The following PIP4K2A variants were observed in gnomAD, a reference collection of about 807,000 sequenced individuals.
PIP4K2A encodes the protein phosphatidylinositol-5-phosphate 4-kinase type 2 alpha, also known as phosphatidylinositol 5-phosphate 4-kinase type-2 alpha.
A neutral mutation model predicts 42.9 loss-of-function variants in PIP4K2A; 14 were observed. The observed-to-expected ratio is 0.33, with a 90% CI of 0.22 to 0.51. The LOEUF is 0.51. Among genes scored for constraint, PIP4K2A ranks in the 20% least tolerant of loss-of-function variants. The pLI is 0.97. For missense variants in PIP4K2A, 434 were observed against 519.8 expected (o/e 0.83, Z 1.61); for synonymous variants, 192 against 192.2 (o/e 1.00, Z 0.01).
chr10:22,704,651 GAAAAAAAAA>G (rs113174364), intron 1 of PIP4K2A, among the ~76,000 whole-genome samples: 1 of 64,198 alleles, frequency 1.6e-5, no homozygotes, highest in African/African-American at 5.6e-5. Context: ...GACCTCATCT[GAAAAAAAAA>G]AAAAAAAAAA....
chr10:22,550,633 C>A, intron 7 of PIP4K2A, 26 bp downstream of exon 7: 1 of 1,156,640 alleles, frequency 8.6e-7, no homozygotes, highest in South Asian at 1.2e-5. Context: ...TACAATGAGT[C>A]TGGCCTCTCC....
chr10:22,540,020 T>A lies in PIP4K2A; in HGVS notation c.1091A>T (p.Tyr364Phe). 6.2e-7 allele frequency: 1 copy of A among 1,613,106 alleles called. No individual in the cohort carries two copies. ...ATGGGCAGCTTTCTTTTTTGCATCA[T>A]AATGAGTAAGGATGTCAATAATTGC... Reference protein sequence around the residue: ...FMAIIDILTHYDAKKKAAHAA... With the variant: ...FMAIIDILTHFDAKKKAAHAA... The change falls in exon 9 of 10, where the codon TAT becomes TTT. Residue 364 changes from tyrosine to phenylalanine, a missense_variant. By Grantham distance (22) the Tyr-to-Phe change is conservative. Around this residue, in one of 2 missense-constraint regions of PIP4K2A, gnomAD observed 39 missense variants for 75.3 expected, o/e 0.52. Transcript: ENST00000376573.
At chr10:22,688,200 A>C (rs914375009) in intron 1 of PIP4K2A, among the ~76,000 whole-genome samples, 13 of 152,178 alleles carry the variant, frequency 8.5e-5, no homozygotes, top group Admixed American at 8.5e-4. Flanking sequence ...TTAAAGAAGA[A>C]AATTTTCTGA....
At chr10:22,634,609 G>A (rs1838621938) in intron 1 of PIP4K2A, among the ~76,000 whole-genome samples, 1 of 152,152 alleles carries the variant, frequency 6.6e-6, no homozygotes, top group African/African-American at 2.4e-5. Flanking sequence ...ATTAGAAATG[G>A]AGACTGCCTT....
intron 6 of PIP4K2A, among the ~76,000 whole-genome samples, chr10:22,559,363 G>A (rs2130775668): frequency 6.6e-6 from 1 of 152,262 alleles, no homozygotes; most frequent in Middle Eastern, 3.4e-3. Flanking sequence ...ACGTGTGCTT[G>A]GGATACTCTG....
In PIP4K2A at chr10:22,636,802, G is replaced by C. The variant is rs748380990; in HGVS notation, c.145-27085C>G. Among the ~76,000 whole-genome samples, 261 of 152,176 alleles carry C rather than the reference G, an allele frequency of 1.7e-3. 9 individuals are homozygous for C. The highest frequency in any genetic ancestry group is 5.4e-4 in the Non-Finnish European group (37 of 68,034). On this transcript the variant is annotated intron_variant, in intron 1 of 9. Transcript: ENST00000376573. ...TGCAGCCCCTTCCCACAGTGACTCT[G>C]GTACTGGCCGCGAGGGTGGCTTTGG...
intron 1 of PIP4K2A, among the ~76,000 whole-genome samples, chr10:22,670,978 T>C (rs560046015): frequency 3.9e-5 from 6 of 152,322 alleles, no homozygotes; most frequent in Admixed American, 2.6e-4. Flanking sequence ...AGTCATCATA[T>C]TGGCATCATC....
intron 1 of PIP4K2A, among the ~76,000 whole-genome samples, chr10:22,681,284 G>A (rs187850629): frequency 2.5e-3 from 378 of 152,266 alleles, no homozygotes; most frequent in Non-Finnish European, 4.4e-3. Context: ...TCTAGATCCA[G>A]CTGAAGAGCC....
At chr10:22,604,730 C>T (rs868191775) in intron 3 of PIP4K2A, among the ~76,000 whole-genome samples, 3 of 152,108 alleles carry the variant, frequency 2.0e-5, no homozygotes, top group South Asian at 2.1e-4. Flanking sequence ...CAGAGGCGGC[C>T]GGTGGGAGAC....
intron 1 of PIP4K2A, among the ~76,000 whole-genome samples, chr10:22,678,129 T>C (rs1355323781): frequency 6.6e-6 from 1 of 152,142 alleles, no homozygotes; most frequent in East Asian, 1.9e-4. Context: ...TCAATTTTAA[T>C]TGCTGGACTT....
chr10:22,583,540 G>A (rs1179256662), intron 4 of PIP4K2A, among the ~76,000 whole-genome samples: 1 of 152,192 alleles, frequency 6.6e-6, no homozygotes, highest in African/African-American at 2.4e-5. Flanking sequence ...CGGACACTGA[G>A]GACATTAGCA....
At chr10:22,653,415 T>C (rs558492540) in intron 1 of PIP4K2A, among the ~76,000 whole-genome samples, 1 of 152,278 alleles carries the variant, frequency 6.6e-6, no homozygotes, top group Non-Finnish European at 1.5e-5. Context: ...TCAACATCTC[T>C]TTGTCTTCCT....
intron 1 of PIP4K2A, among the ~76,000 whole-genome samples, chr10:22,610,323 G>C (rs1838001113): frequency 6.6e-6 from 1 of 152,198 alleles, no homozygotes; most frequent in South Asian, 2.1e-4. Flanking sequence ...AAGAACAAAA[G>C]CAAAGATGTG....
At chr10:22,667,133 C>A (rs1022957197) in intron 1 of PIP4K2A, among the ~76,000 whole-genome samples, 2 of 152,184 alleles carry the variant, frequency 1.3e-5, no homozygotes, top group African/African-American at 4.8e-5. Flanking sequence ...AATATTTGCC[C>A]TGATCATGTA....
chr10:22,603,919 C>T (rs1003499198), intron 3 of PIP4K2A, among the ~76,000 whole-genome samples: 1 of 152,164 alleles, frequency 6.6e-6, no homozygotes, highest in Admixed American at 6.5e-5. Flanking sequence ...ACAAACCTAT[C>T]ATGCAATTTA....
chr10:22,572,394 T>C (rs541774432), intron 5 of PIP4K2A, among the ~76,000 whole-genome samples: 1 of 152,318 alleles, frequency 6.6e-6, no homozygotes, highest in East Asian at 1.9e-4. Context: ...GGTGGGTGGA[T>C]TGCTTGAGCT....
intron 5 of PIP4K2A, 134 bp from the exon 6 acceptor site, chr10:22,568,023 G>A: frequency 1.3e-6 from 1 of 782,808 alleles, no homozygotes; most frequent in Non-Finnish European, 2.3e-6. Flanking sequence ...CATGCGGAAT[G>A]GGCTTCTCAT....
chr10:22,539,886 G>GGGGGGAGAGAGAGAGA lies in PIP4K2A; in HGVS notation c.1140+84_1140+85insTCTCTCTCTCTCCCCC, dbSNP rs1390963717. On this transcript the variant is annotated intron_variant, in intron 9 of 9. Transcript: ENST00000376573. ...AGTTACAGGTCACACAGAGGAGCCA[G>GGGGGGAGAGAGAGAGA]GAGAGAGAGAGAGAGAGAGAGAGAG... The GGGGGGAGAGAGAGAGA allele has an allele frequency of 7.1e-6, 5 of 699,600 alleles. No individual in the cohort carries two copies. In the African/African-American group the frequency reaches 1.4e-4, roughly 19 times the overall value. 43.3% of individuals were successfully genotyped at this position (699,600 alleles called of 1,614,324 possible). A position where few individuals can be genotyped will look rare whatever the true frequency, so the allele number is the denominator to read the frequency against.
chr10:22,571,136 T>C (rs1462847786), intron 5 of PIP4K2A, among the ~76,000 whole-genome samples: 1 of 152,252 alleles, frequency 6.6e-6, no homozygotes, highest in Non-Finnish European at 1.5e-5. Flanking sequence ...ACTGTTTTCG[T>C]GACGGTTTGA....
Sources: allele counts gnomAD v4.1 joint callset (sites outside exome capture counted in the v4.1 genomes callset), GRCh38; gene constraint gnomAD v4.1.1; regional missense constraint gnomAD v4.1.1; transcripts MANE v1.5; gene names NCBI Gene and HGNC (gene_info 2026-07-23, HGNC 2026-07-21).